The following RTTN variants were observed in gnomAD, a reference collection of about 807,000 sequenced individuals.
RTTN encodes the protein rotatin.
RTTN carries 182 observed loss-of-function variants against 269.2 expected under a neutral mutation model. The ratio of observed to expected loss-of-function variants is 0.68; its 90% confidence interval spans 0.60 to 0.76. The LOEUF is 0.76. Ranked by LOEUF, RTTN falls within the 30% of genes least tolerant of loss-of-function variation. The pLI is 0.00. For synonymous variants in RTTN, 1,006 were observed against 963.5 expected, an observed-to-expected ratio of 1.04 and a Z score of -0.82; for missense variants, 2,545 against 2,608.6, an observed-to-expected ratio of 0.98 and a Z score of 0.53.
At chr18:70,153,192 A>G (rs546809353) in intron 14 of RTTN, among the ~76,000 whole-genome samples, 2 of 152,000 alleles carry the variant, frequency 1.3e-5, no homozygotes. Context: ...ACACTATTTT[A>G]TTTAAAACAC....
chr18:70,082,943 T>G (rs987693690), intron 32 of RTTN, among the ~76,000 whole-genome samples: 1 of 152,156 alleles, frequency 6.6e-6, no homozygotes, highest in Non-Finnish European at 1.5e-5. Context: ...TCCTCTCACC[T>G]CAGCCTCCCC....
intron 23 of RTTN, 117 bp from the exon 24 acceptor site, chr18:70,128,663 T>G (rs1235095379): frequency 2.8e-6 from 2 of 718,874 alleles, no homozygotes; most frequent in African/African-American, 3.6e-5. Context: ...ATGCAAAGGT[T>G]TCTCTTAGTC....
At chr18:70,066,925 C>G (rs913594117) in intron 34 of RTTN, among the ~76,000 whole-genome samples, 1 of 152,060 alleles carries the variant, frequency 6.6e-6, no homozygotes, top group African/African-American at 2.4e-5. Flanking sequence ...TTTTTTAAAT[C>G]CCCCTTTTAA....
intron 40 of RTTN, among the ~76,000 whole-genome samples, chr18:70,037,730 AG>A (rs1326548663): frequency 6.6e-6 from 1 of 152,030 alleles, no homozygotes; most frequent in Non-Finnish European, 1.5e-5. Context: ...AGAAAAGCAG[AG>A]GGGAAAGTAA....
At chr18:70,075,094 A>T (rs1308230825) in intron 33 of RTTN, 2 of 277,514 alleles carry the variant, frequency 7.2e-6, no homozygotes, top group East Asian at 8.1e-5. Context: ...AACATAGAAA[A>T]ATGCTTGCAG....
In RTTN at chr18:70,152,279, C is replaced by T. The variant is rs961073867; in HGVS notation, c.1930-1546G>A. Reference sequence around the variant, plus strand: ...ACTCCAAAGGTAGTGTGGTGCAATGCTTAAGAATATGGGCTTTGGAGTGAG... The same window carrying T: ...ACTCCAAAGGTAGTGTGGTGCAATGTTTAAGAATATGGGCTTTGGAGTGAG... On this transcript the variant is annotated intron_variant, in intron 14 of 48. Coordinates refer to ENST00000640769, the MANE Select transcript of RTTN (RefSeq NM_173630.4). Among the ~76,000 whole-genome samples, 36 of 152,176 alleles carry T rather than the reference C, an allele frequency of 2.4e-4. 1 individual carries two copies. Among genetic ancestry groups the T allele is most frequent in the Admixed American group, 2.3e-3 (35 of 15,274 alleles).
At chr18:70,174,525 G>A (rs13381209) in intron 11 of RTTN, among the ~76,000 whole-genome samples, 14,804 of 151,750 alleles carry the variant, frequency 0.098, 1,355 homozygotes, top group African/African-American at 0.24. Context: ...GTAAACATGC[G>A]TAAGTAGCAA....
chr18:70,181,546 T>C (rs2061422469), intron 10 of RTTN, among the ~76,000 whole-genome samples: 1 of 152,206 alleles, frequency 6.6e-6, no homozygotes, highest in Admixed American at 6.5e-5. Flanking sequence ...GAAATTCCCT[T>C]CCATGCTGAG....
chr18:70,068,222 T>A (rs1047429253), intron 34 of RTTN, among the ~76,000 whole-genome samples: 31 of 152,240 alleles, frequency 2.0e-4, no homozygotes, highest in African/African-American at 7.2e-4. Context: ...TATGTAAACA[T>A]GTTACTTTTC....
chr18:70,148,580 G>A (rs1435910109), intron 17 of RTTN, among the ~76,000 whole-genome samples: 1 of 152,144 alleles, frequency 6.6e-6, no homozygotes, highest in Non-Finnish European at 1.5e-5. Context: ...AAGAGAAGAT[G>A]GGAATGCACT....
intron 32 of RTTN, among the ~76,000 whole-genome samples, chr18:70,079,678 C>T (rs1164531063): frequency 6.6e-6 from 1 of 152,074 alleles, no homozygotes; most frequent in Non-Finnish European, 1.5e-5. Context: ...CCAGAGAGAG[C>T]TGAGAAGGAA....
At chr18:70,155,743 G>A (rs1367733689) in intron 14 of RTTN, among the ~76,000 whole-genome samples, 13 of 152,236 alleles carry the variant, frequency 8.5e-5, no homozygotes, top group African/African-American at 2.4e-4. Flanking sequence ...GACCCCGAAC[G>A]GAGGGACCGG....
At chr18:70,199,538 A>G in intron 4 of RTTN, 34 bp from the exon 5 acceptor site, 1 of 1,361,988 alleles carries the variant, frequency 7.3e-7, no homozygotes, top group Non-Finnish European at 1.0e-6. Flanking sequence ...ATGGTATCAA[A>G]GAATAAAGAG....
In RTTN at chr18:70,205,133, C is replaced by T. The variant is rs1204608958; in HGVS notation, c.214G>A (p.Val72Ile). 1.2e-6 allele frequency: 2 copies of T among 1,613,976 alleles called. No homozygotes were observed. The highest frequency in any genetic ancestry group is 2.2e-5 in the East Asian group (1 of 44,890). Reference sequence around the variant, plus strand: ...TTATTTCAAAATGACCCTACCTTAACCAATCTGCTTAACAGGTTCAGAACC... The same window carrying T: ...TTATTTCAAAATGACCCTACCTTAATCAATCTGCTTAACAGGTTCAGAACC... ...EEVLNLLSRL[V>I]KYPPAVQHLV... The change falls in exon 2 of 49, where the codon GTT becomes ATT. Residue 72 changes from valine to isoleucine, a missense_variant. Val to Ile is a conservative substitution (Grantham distance 29, BLOSUM62 3). Transcript: ENST00000640769.
intron 35 of RTTN, among the ~76,000 whole-genome samples, chr18:70,064,931 T>A (rs1353088097): frequency 6.6e-6 from 1 of 152,230 alleles, no homozygotes; most frequent in Non-Finnish European, 1.5e-5. Flanking sequence ...TTTCATTTCA[T>A]GCCCTATGTC....
chr18:70,172,860 T>C (rs900468448), intron 11 of RTTN, among the ~76,000 whole-genome samples: 6 of 152,168 alleles, frequency 3.9e-5, no homozygotes, highest in African/African-American at 9.7e-5. Context: ...CTTCGACCCA[T>C]AGATAGATTG....
At chr18:70,080,871 G>T (rs2058545690) in intron 32 of RTTN, among the ~76,000 whole-genome samples, 1 of 151,036 alleles carries the variant, frequency 6.6e-6, no homozygotes, top group Admixed American at 6.6e-5. Context: ...TTGCAAAAAT[G>T]TAGAACCAAT....
In RTTN at chr18:70,166,118, G is replaced by A. The variant is rs1260708755; in HGVS notation, c.1873C>T (p.His625Tyr). ...TCAGCTTTCACTCGTGGCAATGGGTGAGACAACATATGGAGAAGCACCTTC... is the reference window on the plus strand; with the variant it reads ...TCAGCTTTCACTCGTGGCAATGGGTAAGACAACATATGGAGAAGCACCTTC... ...SQKVLLHMLSHPLPRVKAETY... is the reference protein window; with the variant it reads ...SQKVLLHMLSYPLPRVKAETY... The change falls in exon 14 of 49, where the codon CAC (histidine) becomes TAC (tyrosine). Residue 625 changes from histidine (H) to tyrosine (Y), a missense_variant. Coordinates refer to ENST00000640769, the MANE Select transcript of RTTN (RefSeq NM_173630.4). The A allele has an allele frequency of 3.1e-6, 5 of 1,613,830 alleles. No individual in the cohort carries two copies. Among genetic ancestry groups the A allele is most frequent in the Non-Finnish European group, 4.2e-6 (5 of 1,179,776 alleles).
intron 33 of RTTN, among the ~76,000 whole-genome samples, chr18:70,074,271 G>C (rs1209707098): frequency 6.6e-6 from 1 of 151,982 alleles, no homozygotes; most frequent in Non-Finnish European, 1.5e-5. Context: ...AGCCCTGAGT[G>C]TTCACTTCTA....
Sources: gnomAD v4.1 joint callset for allele counts (sites outside exome capture counted in the v4.1 genomes callset) on GRCh38, gnomAD v4.1.1 for gene constraint, MANE v1.5 for transcripts, NCBI Gene and HGNC (gene_info 2026-07-23, HGNC 2026-07-21) for gene names.